Variants in PCDHA3 observed in about 807,000 individuals in gnomAD.
The protein encoded by PCDHA3 is protocadherin alpha 3.
Under a neutral mutation model 62.2 loss-of-function variants are expected in PCDHA3, and 41 were observed. That is an observed-to-expected ratio of 0.66 (90% CI 0.51 to 0.86). PCDHA3 has a LOEUF of 0.86. Ranked by LOEUF, PCDHA3 falls within the 40% of genes least tolerant of loss-of-function variation. The probability of loss-of-function intolerance (pLI) is 0.00; values close to 1 mark genes in which losing one functional copy is unlikely to be tolerated. For synonymous variants in PCDHA3, 640 were observed against 555.4 expected (o/e 1.15, Z -2.14); for missense variants, 1,304 against 1,241.2 (o/e 1.05, Z -0.76).
At chr5:140,807,079 T>C in intron 1 of PCDHA3, 2 of 1,251,088 alleles carry the variant, frequency 1.6e-6, no homozygotes, top group Non-Finnish European at 1.1e-6. Flanking sequence ...TATACACTCT[T>C]TGGAGTCTGA....
In PCDHA3 at chr5:140,802,182, C is replaced by T; in HGVS notation, c.985C>T (p.Pro329Ser). ...AGAAGCCACGGATAAAGGAAATCCC[C>T]CAATGTCAGATCACTGCACAGTTCT... is the stretch of plus-strand genomic sequence containing the variant. Reference protein sequence around the residue: ...QVEATDKGNPPMSDHCTVLLE... With the variant: ...QVEATDKGNPSMSDHCTVLLE... Residue 329 changes from proline to serine, a missense_variant, in exon 1 of 4, where the codon CCA (proline) becomes TCA (serine). Pro to Ser is a moderately conservative substitution (Grantham distance 74). Coordinates refer to ENST00000522353, the MANE Select transcript of PCDHA3 (RefSeq NM_018906.3). 1.2e-6 allele frequency: 2 copies of T among 1,614,192 alleles called. No homozygotes were observed. Among genetic ancestry groups the T allele is most frequent in the African/African-American group, 1.3e-5 (1 of 75,050 alleles).
At chr5:140,823,196 T>A in intron 1 of PCDHA3, 1 of 1,613,812 alleles carries the variant, frequency 6.2e-7, no homozygotes, top group Non-Finnish European at 8.5e-7. Flanking sequence ...TGCCACATCT[T>A]CACGGTGTCT....
At chr5:140,874,516 G>A (rs1307179066) in intron 1 of PCDHA3, among the ~76,000 whole-genome samples, 4 of 152,210 alleles carry the variant, frequency 2.6e-5, no homozygotes, top group Non-Finnish European at 5.9e-5. Context: ...CTTGACTTTA[G>A]TCAATGAGAT....
At chr5:140,997,967 G>A (rs1275111362) in intron 3 of PCDHA3, among the ~76,000 whole-genome samples, 1 of 152,104 alleles carries the variant, frequency 6.6e-6, no homozygotes, top group African/African-American at 2.4e-5. Flanking sequence ...CGTACCTGTG[G>A]TTGGACTGCA....
At chr5:140,915,699 C>G (rs1321126272) in intron 1 of PCDHA3, among the ~76,000 whole-genome samples, 1 of 151,944 alleles carries the variant, frequency 6.6e-6, no homozygotes, top group Non-Finnish European at 1.5e-5. Context: ...GTGATGCAAG[C>G]ACTCCTGTGG....
chr5:140,884,479 C>A (rs1554181619), intron 1 of PCDHA3: 2 of 1,613,914 alleles, frequency 1.2e-6, no homozygotes, highest in African/African-American at 1.3e-5. Flanking sequence ...CGGGCAAGCC[C>A]ACTCTAGTGT....
At chr5:140,852,583 T>C in intron 1 of PCDHA3, 2 of 394,934 alleles carry the variant, frequency 5.1e-6, no homozygotes, top group Non-Finnish European at 6.7e-6. Context: ...GGCTTTTTTA[T>C]TTTTTTTTTT....
At chr5:140,859,014 A>G (rs983768098) in intron 1 of PCDHA3, 1 of 151,370 alleles carries the variant, frequency 6.6e-6, no homozygotes, top group Non-Finnish European at 1.5e-5. Flanking sequence ...AATCTTAGCA[A>G]TTAAGTTAAA....
intron 1 of PCDHA3, chr5:140,841,947 A>T: frequency 6.2e-7 from 1 of 1,613,886 alleles, no homozygotes; most frequent in Non-Finnish European, 8.5e-7. Context: ...CCTGCGCACC[A>T]CTTATTCCTG....
At chr5:140,844,212 C>T (rs1554140567) in intron 1 of PCDHA3, among the ~76,000 whole-genome samples, 1 of 149,426 alleles carries the variant, frequency 6.7e-6, no homozygotes, top group African/African-American at 2.4e-5. Context: ...GTCTGGTAGT[C>T]ACAAATATCT....
At chr5:140,969,337 AC>A in intron 1 of PCDHA3, 1 of 1,613,970 alleles carries the variant, frequency 6.2e-7, no homozygotes, top group East Asian at 2.2e-5. Flanking sequence ...ATGAGGTGAG[AC>A]AGTGGTCAGG....
intron 1 of PCDHA3, chr5:140,821,841 C>T: frequency 6.2e-7 from 1 of 1,614,178 alleles, no homozygotes; most frequent in Non-Finnish European, 8.5e-7. Flanking sequence ...TCCTTGCCTA[C>T]TGGAAGGCAG....
chr5:140,877,987 C>A (rs1290531354), intron 1 of PCDHA3: 13 of 1,151,196 alleles, frequency 1.1e-5, no homozygotes, highest in African/African-American at 3.1e-5. Context: ...TCATTTTGAA[C>A]TTTTATGTAT....
intron 1 of PCDHA3, among the ~76,000 whole-genome samples, chr5:140,941,191 T>TTTTTC (rs1554213809): frequency 1.8e-4 from 17 of 93,256 alleles, no homozygotes; most frequent in Middle Eastern, 5.1e-3. Context: ...GCTTCTTTTT[T>TTTTTC]TTTCTTTCTT....
intron 1 of PCDHA3, among the ~76,000 whole-genome samples, chr5:140,872,595 C>G (rs1048527578): frequency 6.6e-6 from 1 of 152,102 alleles, no homozygotes; most frequent in African/African-American, 2.4e-5. Flanking sequence ...AGACCCCCAT[C>G]TGAAAAAATA....
chr5:141,002,973 G>A (rs1313247449), intron 3 of PCDHA3, among the ~76,000 whole-genome samples: 2 of 152,216 alleles, frequency 1.3e-5, no homozygotes, highest in African/African-American at 2.4e-5. Flanking sequence ...CCTGAAAATA[G>A]TATCCTTGGT....
At chr5:140,828,819 A>G (rs140245330) in intron 1 of PCDHA3, 13 of 1,614,106 alleles carry the variant, frequency 8.1e-6, no homozygotes, top group Non-Finnish European at 1.1e-5. Context: ...CCCACTTTCG[A>G]ACAGTCTGAA....
chr5:140,913,398 AT>A (rs1172885484), intron 1 of PCDHA3, among the ~76,000 whole-genome samples: 5 of 152,132 alleles, frequency 3.3e-5, no homozygotes, highest in Non-Finnish European at 7.4e-5. Flanking sequence ...GCCACTAATG[AT>A]CCTTTGAATT....
intron 1 of PCDHA3, chr5:140,857,265 T>G: frequency 1.3e-6 from 2 of 1,598,672 alleles, no homozygotes; most frequent in Non-Finnish European, 1.7e-6. Flanking sequence ...TACTACTCAT[T>G]GGTGCTGGAC....
Sources: gnomAD v4.1 joint callset for allele counts (sites outside exome capture counted in the v4.1 genomes callset) on GRCh38, gnomAD v4.1.1 for gene constraint, MANE v1.5 for transcripts, NCBI Gene and HGNC (gene_info 2026-07-23, HGNC 2026-07-21) for gene names.